CDH18: variants seen among roughly 807,000 people sequenced by gnomAD.
CDH18 encodes cadherin-18.
Under a neutral mutation model 67.9 loss-of-function variants are expected in CDH18, and 31 were observed. That is an observed-to-expected ratio of 0.46 (90% CI 0.34 to 0.62). CDH18 has a LOEUF of 0.62. Ranked by LOEUF, CDH18 falls within the 20% of genes least tolerant of loss-of-function variation. The pLI, the probability that CDH18 is intolerant of heterozygous loss-of-function variation, is 0.01. For missense variants in CDH18, 890 were observed against 975.5 expected (o/e 0.91, Z 1.17); for synonymous variants, 362 against 347.2 (o/e 1.04, Z -0.48).
intron 1 of CDH18, among the ~76,000 whole-genome samples, chr5:20,498,688 T>C (rs1215515189): frequency 6.6e-6 from 1 of 152,064 alleles, no homozygotes; most frequent in African/African-American, 2.4e-5. Flanking sequence ...TTTAAAACTG[T>C]TCTTATTCTA....
intron 1 of CDH18, among the ~76,000 whole-genome samples, chr5:19,982,328 A>G (rs1354849202): frequency 1.3e-5 from 2 of 152,132 alleles, no homozygotes; most frequent in East Asian, 3.9e-4. Context: ...ATTAGTAAAA[A>G]CTACTAATGA....
At chr5:19,795,861 A>C (rs1471625038) in intron 3 of CDH18, among the ~76,000 whole-genome samples, 1 of 152,160 alleles carries the variant, frequency 6.6e-6, no homozygotes, top group Non-Finnish European at 1.5e-5. Flanking sequence ...GAACGAAGTG[A>C]AATATACATA....
chr5:19,543,431 T>G (rs1487975599), intron 9 of CDH18, among the ~76,000 whole-genome samples: 5 of 152,168 alleles, frequency 3.3e-5, no homozygotes, highest in Non-Finnish European at 5.9e-5. Context: ...GTTCTATAAG[T>G]GTTTTTGAAA....
chr5:20,520,599 C>T (rs747740974), intron 1 of CDH18, among the ~76,000 whole-genome samples: 3 of 152,002 alleles, frequency 2.0e-5, no homozygotes, highest in Non-Finnish European at 4.4e-5. Flanking sequence ...GTCTCAGGCC[C>T]TATATATTTA....
chr5:19,827,504 A>G (rs755853656), intron 3 of CDH18, among the ~76,000 whole-genome samples: 53 of 152,246 alleles, frequency 3.5e-4, no homozygotes, highest in Non-Finnish European at 6.0e-4. Flanking sequence ...AACAACCCTA[A>G]GCAAATTCAA....
In CDH18 at chr5:20,018,562, GATTCTTAAGAAAATGATAAAAA is replaced by G. The variant is rs570621924; in HGVS notation, c.-517-26570_-517-26549del. 2.4e-3 allele frequency among the ~76,000 whole-genome samples: 358 copies of G among 152,206 alleles called. 3 individuals carry two copies. Among genetic ancestry groups the G allele is most frequent in the African/African-American group, 8.3e-3 (346 of 41,518 alleles). On this transcript the variant is annotated intron_variant, in intron 2 of 14. Transcript: ENST00000507958. ...ACAATCTTTGATATTTGGGTGTGAA[GATTCTTAAGAAAATGATAAAAA>G]ATATGAGATATCTATGACTGCATGA...
At chr5:19,612,078 A>T (rs1215852859) in intron 6 of CDH18, among the ~76,000 whole-genome samples, 1 of 152,082 alleles carries the variant, frequency 6.6e-6, no homozygotes, top group African/African-American at 2.4e-5. Flanking sequence ...ATAATGTTGC[A>T]TGAAAAGAAT....
intron 2 of CDH18, among the ~76,000 whole-genome samples, chr5:20,076,397 T>C (rs1266253241): frequency 6.6e-6 from 1 of 152,160 alleles, no homozygotes; most frequent in Non-Finnish European, 1.5e-5. Context: ...TTTATCTTCA[T>C]GAATTGAGAT....
At chr5:19,776,416 ATTCT>A (rs1189359328) in intron 3 of CDH18, among the ~76,000 whole-genome samples, 2 of 152,206 alleles carry the variant, frequency 1.3e-5, no homozygotes, top group Non-Finnish European at 2.9e-5. Flanking sequence ...GGTCTGTTTA[ATTCT>A]TTATGCAAAT....
chr5:20,367,319 C>A (rs1281884946), intron 1 of CDH18, among the ~76,000 whole-genome samples: 1 of 152,112 alleles, frequency 6.6e-6, no homozygotes, highest in Non-Finnish European at 1.5e-5. Context: ...CTCAAGCACA[C>A]CAGACCCCAT....
At chr5:19,728,792 C>T (rs928709619) in intron 4 of CDH18, among the ~76,000 whole-genome samples, 10 of 152,136 alleles carry the variant, frequency 6.6e-5, no homozygotes, top group South Asian at 6.2e-4. Context: ...TGGAGATTTA[C>T]GAAGGCTCAG....
chr5:19,806,732 T>A (rs1168529341), intron 3 of CDH18, among the ~76,000 whole-genome samples: 1 of 152,214 alleles, frequency 6.6e-6, no homozygotes, highest in Admixed American at 6.5e-5. Context: ...TCTTTCCTAT[T>A]GCCTATTAAC....
At chr5:19,968,238 A>C (rs1449186815) in intron 2 of CDH18, among the ~76,000 whole-genome samples, 2 of 152,060 alleles carry the variant, frequency 1.3e-5, no homozygotes, top group Non-Finnish European at 2.9e-5. Flanking sequence ...GGTGGGAAGA[A>C]TCAATATCGT....
intron 9 of CDH18, among the ~76,000 whole-genome samples, chr5:19,531,149 A>AAATAC (rs1483475692): frequency 6.6e-6 from 1 of 152,232 alleles, no homozygotes; most frequent in Non-Finnish European, 1.5e-5. Context: ...AAAACTCACT[A>AAATAC]AATACAGCGT....
In CDH18 at chr5:19,511,145, T is replaced by C. The variant is rs541162071; in HGVS notation, c.1513-8036A>G. Among the ~76,000 whole-genome samples, 9 of 152,142 alleles carry C rather than the reference T, an allele frequency of 5.9e-5. No individual in the cohort carries two copies. The South Asian group carries it at 6.2e-4, about 11-fold the overall frequency. ...GGTTTTATAAGCAGCTCATCCCCCA[T>C]CTCTCAGCACTTCTCTTTCATGCAG... On this transcript the variant is annotated intron_variant, in intron 10 of 12. Transcript: ENST00000382275.
chr5:20,528,494 G>T (rs62352726), intron 1 of CDH18, among the ~76,000 whole-genome samples: 1 of 151,904 alleles, frequency 6.6e-6, no homozygotes, highest in African/African-American at 2.4e-5. Flanking sequence ...AATTGATCAC[G>T]TAATTGGAGG....
At chr5:20,403,688 G>A (rs1297479397) in intron 1 of CDH18, among the ~76,000 whole-genome samples, 1 of 152,114 alleles carries the variant, frequency 6.6e-6, no homozygotes, top group Non-Finnish European at 1.5e-5. Flanking sequence ...AGGCTTTGTT[G>A]TTCCATTTAT....
chr5:19,514,091 G>A (rs916887119), intron 10 of CDH18, among the ~76,000 whole-genome samples: 2 of 152,118 alleles, frequency 1.3e-5, no homozygotes, highest in African/African-American at 4.8e-5. Context: ...GTGAGAACAT[G>A]CAGTATTTGG....
In CDH18 at chr5:20,547,596, T is replaced by C. The variant is rs186274701; in HGVS notation, c.-580+27866A>G. Among the ~76,000 whole-genome samples the C allele has an allele frequency of 2.0e-5, 3 of 151,502 alleles. 1 individual carries two copies. In the East Asian group the frequency reaches 5.8e-4, roughly 29 times the overall value. ...AAAGAATCAAACTATATGTAAAAAG[T>C]TTCACTGTCAACTATGAAACTGGTT... On this transcript the variant is annotated intron_variant, in intron 1 of 14. Transcript: ENST00000507958.
Sources: gnomAD v4.1 joint callset for allele counts (sites outside exome capture counted in the v4.1 genomes callset) on GRCh38, gnomAD v4.1.1 for gene constraint, MANE v1.5 for transcripts, NCBI Gene and HGNC (gene_info 2026-07-23, HGNC 2026-07-21) for gene names.